The following PUM2 variants were observed in gnomAD, a reference collection of about 807,000 sequenced individuals.
PUM2 encodes pumilio homolog 2.
Under a neutral mutation model 124.5 loss-of-function variants are expected in PUM2, and 57 were observed. That is an observed-to-expected ratio of 0.46 (90% CI 0.37 to 0.57). The LOEUF is 0.57. Among genes scored for constraint, PUM2 ranks in the 20% least tolerant of loss-of-function variants. The probability of loss-of-function intolerance (pLI) is 0.00; values close to 1 mark genes in which losing one functional copy is unlikely to be tolerated. For missense variants in PUM2, 1,065 were observed against 1,290.6 expected (o/e 0.83, Z 2.68); for synonymous variants, 460 against 446.1 (o/e 1.03, Z -0.39).
chr2:20,338,797 GCTC>G (rs1558680383), intron 1 of PUM2, among the ~76,000 whole-genome samples: 2 of 152,110 alleles, frequency 1.3e-5, no homozygotes, highest in African/African-American at 4.8e-5. Flanking sequence ...ACCAATCTAT[GCTC>G]CTATCATCCT....
chr2:20,351,142 C>T (rs1689301580), upstream of PUM2, among the ~76,000 whole-genome samples: 2 of 152,186 alleles, frequency 1.3e-5, no homozygotes, highest in African/African-American at 4.8e-5. Flanking sequence ...TGTCTTCCCG[C>T]GTGGGGCCTC....
At chr2:20,329,513 C>A (rs374132035) in intron 1 of PUM2, among the ~76,000 whole-genome samples, 1 of 151,200 alleles carries the variant, frequency 6.6e-6, no homozygotes, top group Middle Eastern at 3.5e-3. Context: ...ACAGACTGGA[C>A]GGTCTTGGGT....
At chr2:20,329,491 G>A (rs1025203907) in intron 1 of PUM2, among the ~76,000 whole-genome samples, 2 of 151,892 alleles carry the variant, frequency 1.3e-5, no homozygotes, top group Non-Finnish European at 2.9e-5. Context: ...ATGTAATTTG[G>A]AGCATATATA....
intron 12 of PUM2, among the ~76,000 whole-genome samples, chr2:20,281,646 G>A (rs1005265134): frequency 2.0e-5 from 3 of 152,138 alleles, no homozygotes; most frequent in Non-Finnish European, 4.4e-5. Context: ...GAGTGCGTGA[G>A]GTGGACAAAG....
intron 7 of PUM2, among the ~76,000 whole-genome samples, chr2:20,305,597 C>G (rs1042928329): frequency 1.3e-5 from 2 of 151,106 alleles, no homozygotes; most frequent in African/African-American, 4.9e-5. Flanking sequence ...ATGCAAAAAT[C>G]CTAAATGAAA....
intron 13 of PUM2, among the ~76,000 whole-genome samples, chr2:20,276,990 G>T (rs1181026299): frequency 1.3e-5 from 2 of 152,034 alleles, no homozygotes; most frequent in Admixed American, 6.6e-5. Context: ...GAAAGGTAGA[G>T]AAGCACATAT....
intron 1 of PUM2, 70 bp from the exon 2 acceptor site, chr2:20,327,448 T>C: frequency 1.0e-6 from 1 of 958,160 alleles, no homozygotes; most frequent in Non-Finnish European, 1.6e-6. Flanking sequence ...TATTTTTATA[T>C]TATATTGCTG....
At chr2:20,261,898 G>A (rs1009806732) in intron 14 of PUM2, among the ~76,000 whole-genome samples, 15 of 47,750 alleles carry the variant, frequency 3.1e-4, no homozygotes, top group African/African-American at 1.7e-3. Flanking sequence ...AGTAAGCTCA[G>A]CCTGGCAACA....
At chr2:20,349,527 T>A (rs1482262576) in intron 1 of PUM2, among the ~76,000 whole-genome samples, 1 of 152,082 alleles carries the variant, frequency 6.6e-6, no homozygotes, top group Non-Finnish European at 1.5e-5. Context: ...TGTTTTTTTT[T>A]TTTTATTTAC....
intron 1 of PUM2, chr2:20,350,325 C>A (rs1689073168): frequency 2.6e-6 from 1 of 388,210 alleles, no homozygotes; most frequent in South Asian, 1.0e-4. Flanking sequence ...GGTCGGCGCC[C>A]CACGCCCCCG....
At chr2:20,313,147 G>A (rs1469328225) in intron 3 of PUM2, among the ~76,000 whole-genome samples, 1 of 152,206 alleles carries the variant, frequency 6.6e-6, no homozygotes, top group Non-Finnish European at 1.5e-5. Context: ...TCAGGACATA[G>A]GAATGGGCAA....
intron 3 of PUM2, 67 bp downstream of exon 3, chr2:20,318,470 A>C: frequency 7.3e-7 from 1 of 1,378,424 alleles, no homozygotes; most frequent in South Asian, 1.3e-5. Flanking sequence ...TCTAAAAAAA[A>C]AGGTGCATTA....
chr2:20,278,035 T>C (rs1322571958), intron 13 of PUM2, among the ~76,000 whole-genome samples: 1 of 152,146 alleles, frequency 6.6e-6, no homozygotes, highest in Non-Finnish European at 1.5e-5. Flanking sequence ...ACAACAAGCC[T>C]AAAACATTTT....
In PUM2 at chr2:20,251,656, A is replaced by G. The variant is rs1218402581; in HGVS notation, c.3124T>C (p.Leu1042=). The change falls in exon 21 of 21, where the codon TTG becomes CTG. Residue 1042 remains leucine (L), a synonymous_variant. Transcript: ENST00000361078. The part of the protein sequence containing the change: ...YTYGKHILAK[L]EKYYLKNSPD... Reference sequence around the variant, plus strand: ...CTATTCTTCAAATAATACTTTTCCAACTTGGCCAGTATATGCTTCCCGTAT... The same window carrying G: ...CTATTCTTCAAATAATACTTTTCCAGCTTGGCCAGTATATGCTTCCCGTAT... 74 of 1,613,566 alleles carry G rather than the reference A, an allele frequency of 4.6e-5. No homozygotes were observed. The highest frequency in any genetic ancestry group is 6.1e-5 in the Non-Finnish European group (72 of 1,179,700).
intron 13 of PUM2, among the ~76,000 whole-genome samples, chr2:20,269,700 T>C (rs1030065438): frequency 8.5e-5 from 13 of 152,332 alleles, no homozygotes; most frequent in African/African-American, 2.4e-4. Context: ...AAACATTAGA[T>C]GCAAATTACA....
chr2:20,301,329 C>T (rs1244823969), intron 7 of PUM2, among the ~76,000 whole-genome samples: 1 of 152,098 alleles, frequency 6.6e-6, no homozygotes, highest in Non-Finnish European at 1.5e-5. Context: ...ATTAGGGTTC[C>T]TGTTCTACTT....
At chr2:20,343,781 T>C (rs1366905593) in intron 1 of PUM2, among the ~76,000 whole-genome samples, 1 of 152,010 alleles carries the variant, frequency 6.6e-6, no homozygotes, top group Non-Finnish European at 1.5e-5. Flanking sequence ...ACAAAATAAC[T>C]AGTTGGGTAT....
intron 16 of PUM2, 36 bp from the exon 17 acceptor site, chr2:20,256,206 C>A: frequency 1.3e-6 from 2 of 1,544,712 alleles, no homozygotes; most frequent in Non-Finnish European, 1.7e-6. Flanking sequence ...ATTATTACCT[C>A]AAACGAGAAA....
At chr2:20,308,642 T>A in intron 5 of PUM2, 58 bp from the exon 6 acceptor site, 2 of 1,473,430 alleles carry the variant, frequency 1.4e-6, no homozygotes, top group Non-Finnish European at 1.8e-6. Flanking sequence ...AATAGCGAAA[T>A]GGGAAAATAG....
Sources: allele counts gnomAD v4.1 joint callset (sites outside exome capture counted in the v4.1 genomes callset), GRCh38; gene constraint gnomAD v4.1.1; transcripts MANE v1.5; gene names NCBI Gene and HGNC (gene_info 2026-07-23, HGNC 2026-07-21).